BRSK2: variants seen among roughly 807,000 people sequenced by gnomAD.
BRSK2 encodes the protein serine/threonine-protein kinase BRSK2.
Under a neutral mutation model 83.3 loss-of-function variants are expected in BRSK2, and 19 were observed. The observed-to-expected ratio is 0.23, with a 90% CI of 0.16 to 0.33. BRSK2 has a LOEUF of 0.33. BRSK2 is among the 10% of genes least tolerant of loss of function. The probability of loss-of-function intolerance (pLI) is 1.00; values close to 1 mark genes in which losing one functional copy is unlikely to be tolerated. For synonymous variants in BRSK2, 519 were observed against 435.4 expected (o/e 1.19, Z -2.39); for missense variants, 798 against 1,042.3 (o/e 0.77, Z 3.23).
rs113282692 is a variant in BRSK2, at chr11:1,452,975, C to T, written c.1545-1510C>T. On this transcript the variant is annotated intron_variant, in intron 15 of 19. Coordinates refer to ENST00000528841, the MANE Select transcript of BRSK2 (RefSeq NM_001256627.2). ...AGCTGGCTTCAGGAAGGGATGCATG[C>T]GGTTGTCTGGGACACTCAGGGCTGA... is the stretch of plus-strand genomic sequence containing the variant. Among the ~76,000 whole-genome samples, 4 of 152,320 alleles carry T rather than the reference C, an allele frequency of 2.6e-5. No individual in the cohort carries two copies. The South Asian group carries it at 8.3e-4, about 32-fold the overall frequency.
chr11:1,435,713 C>T (rs1407412992), intron 1 of BRSK2, among the ~76,000 whole-genome samples: 2 of 151,420 alleles, frequency 1.3e-5, no homozygotes, highest in Non-Finnish European at 3.0e-5. Flanking sequence ...ACCTCGAGGG[C>T]ACCCTGGCTC....
chr11:1,457,409 CAG>C (rs908071689), intron 18 of BRSK2, among the ~76,000 whole-genome samples: 2 of 151,946 alleles, frequency 1.3e-5, no homozygotes, highest in Non-Finnish European at 2.9e-5. Context: ...TGGGCTCACA[CAG>C]GGGAGGGTTG....
intron 1 of BRSK2, among the ~76,000 whole-genome samples, chr11:1,391,173 G>T (rs1845705950): frequency 6.6e-6 from 1 of 152,236 alleles, no homozygotes; most frequent in South Asian, 2.1e-4. Context: ...TCCCCGGCCC[G>T]CTGGGTTTGG....
intron 2 of BRSK2, 34 bp downstream of exon 2, chr11:1,436,168 G>A (rs1363945426): frequency 3.6e-5 from 29 of 800,418 alleles, no homozygotes; most frequent in Admixed American, 9.6e-5. Flanking sequence ...CGGGGCCGGC[G>A]GTGGGGTGGG....
chr11:1,409,032 G>T (rs913887189), intron 1 of BRSK2, among the ~76,000 whole-genome samples: 3 of 152,090 alleles, frequency 2.0e-5, no homozygotes, highest in Non-Finnish European at 2.9e-5. Context: ...ATGCAGGGAT[G>T]TATGTGTGTC....
intron 1 of BRSK2, among the ~76,000 whole-genome samples, chr11:1,391,451 A>G (rs1226924063): frequency 1.3e-5 from 2 of 152,146 alleles, no homozygotes; most frequent in Non-Finnish European, 2.9e-5. Flanking sequence ...GGGGAAAGAA[A>G]GTGGGCCAGG....
chr11:1,439,272 C>T (rs970554597), intron 3 of BRSK2, among the ~76,000 whole-genome samples: 10 of 152,094 alleles, frequency 6.6e-5, no homozygotes, highest in Admixed American at 2.6e-4. Flanking sequence ...TTGCTCTGGC[C>T]TGGGTTTCTG....
intron 19 of BRSK2, 48 bp downstream of exon 19, chr11:1,459,287 G>A (rs150218323): frequency 0.029 from 46,678 of 1,603,754 alleles, 780 homozygotes; most frequent in Non-Finnish European, 0.034. Flanking sequence ...CCACTTCACC[G>A]CTCACCCTCA....
Position 1,443,514 on chromosome 11 carries a change from A to G in BRSK2, c.659A>G (p.Asn220Ser), listed in dbSNP as rs1851631348. 1 of 1,605,752 alleles carries G rather than the reference A, an allele frequency of 6.2e-7. No individual in the cohort carries two copies. The highest frequency in any genetic ancestry group is 1.1e-5 in the South Asian group (1 of 89,968). The change falls in exon 8 of 20, where the codon AAC becomes AGC. Residue 220 changes from asparagine (N) to serine (S), a missense_variant. Around this residue, in one of 6 missense-constraint regions of BRSK2, gnomAD observed 145 missense variants for 225.4 expected, o/e 0.64. Transcript: ENST00000528841. ...LVGALPFDDD[N>S]LRQLLEKVKR... is the part of the protein sequence containing the mutation. ...GGGGCTCTGCCCTTCGACGATGACA[A>G]CTTGCGACAGCTGCTGGAGAAGGTG...
Position 1,450,742 on chromosome 11 carries a change from C to T in BRSK2, c.1443C>T (p.Ser481=). The T allele has an allele frequency of 6.3e-7, 1 of 1,599,068 alleles. No individual in the cohort carries two copies. Among genetic ancestry groups the T allele is most frequent in the Non-Finnish European group, 8.5e-7 (1 of 1,175,314 alleles). Residue 481 remains serine (S), a synonymous_variant, in exon 14 of 20, where the codon TCC becomes TCT. Coordinates refer to ENST00000528841, the MANE Select transcript of BRSK2 (RefSeq NM_001256627.2). ...GGVPWRARLN[S]IKNSFLGSPR... is the part of the protein sequence containing the mutation. ...TGCCCTGGAGGGCGCGGCTCAACTC[C>T]ATCAAGAACAGCTTTCTGGGCTCAC...
At chr11:1,413,333 C>T (rs1322613830) in intron 1 of BRSK2, among the ~76,000 whole-genome samples, 1 of 152,144 alleles carries the variant, frequency 6.6e-6, no homozygotes, top group Non-Finnish European at 1.5e-5. Flanking sequence ...CCCCTGCAGC[C>T]CCTTGCAGGG....
At chr11:1,437,292 C>A (rs1160212177) in intron 2 of BRSK2, among the ~76,000 whole-genome samples, 2 of 152,116 alleles carry the variant, frequency 1.3e-5, no homozygotes, top group East Asian at 3.9e-4. Context: ...ACAGGCTGGC[C>A]AACTCGCCAG....
Position 1,456,585 on chromosome 11 carries a change from CT to C in BRSK2, c.1850-12del. 5.0e-6 allele frequency: 8 copies of C among 1,609,026 alleles called. No individual in the cohort carries two copies. Among genetic ancestry groups the C allele is most frequent in the Non-Finnish European group, 6.8e-6 (8 of 1,178,436 alleles). ...CCAGGCCCGTCCAGGGCATAACCCCCTGTCTCCCCTAGGCCCCAGCCGTCGC... is the reference window on the plus strand; with the variant it reads ...CCAGGCCCGTCCAGGGCATAACCCCCGTCTCCCCTAGGCCCCAGCCGTCGC... On this transcript the variant is annotated splice_polypyrimidine_tract_variant and intron_variant, in intron 17 of 19. Transcript: ENST00000528841.
intron 1 of BRSK2, chr11:1,410,889 G>T (rs1305130084): frequency 2.0e-6 from 2 of 986,132 alleles, no homozygotes; most frequent in African/African-American, 1.7e-5. Flanking sequence ...GGCCTTCGAC[G>T]GCCCTTTTGT....
intron 1 of BRSK2, among the ~76,000 whole-genome samples, chr11:1,426,104 A>G (rs1490236966): frequency 6.6e-6 from 1 of 152,224 alleles, no homozygotes; most frequent in African/African-American, 2.4e-5. Flanking sequence ...AGCAAACACC[A>G]GCACACACCG....
intron 19 of BRSK2, 86 bp downstream of exon 19, chr11:1,459,325 G>C: frequency 6.7e-7 from 1 of 1,486,974 alleles, no homozygotes; most frequent in Non-Finnish European, 9.4e-7. Flanking sequence ...CCTGCCGCCC[G>C]GGTTGTCCCG....
chr11:1,446,862 C>T (rs916946841), intron 12 of BRSK2, among the ~76,000 whole-genome samples: 2 of 152,180 alleles, frequency 1.3e-5, no homozygotes, highest in African/African-American at 4.8e-5. Flanking sequence ...TGATCTGGGC[C>T]TCAGCACCCC....
rs1292361644 is a variant in BRSK2, at chr11:1,423,152, C to T, written c.92-12888C>T. Reference sequence around the variant, plus strand: ...TGTGCCTCCATGTACCTCAGGGCCTCCCCCAGAGCGGTGCCTCGTGGGGGA... The same window carrying T: ...TGTGCCTCCATGTACCTCAGGGCCTTCCCCAGAGCGGTGCCTCGTGGGGGA... On this transcript the variant is annotated intron_variant, in intron 1 of 19. Coordinates refer to ENST00000528841, the MANE Select transcript of BRSK2 (RefSeq NM_001256627.2). The surrounding 1 kb of genome is among the most constrained non-coding windows in gnomAD (Gnocchi z 6.5). Among the ~76,000 whole-genome samples the T allele has an allele frequency of 6.6e-6, 1 of 152,182 alleles. No homozygotes were observed. Among genetic ancestry groups the T allele is most frequent in the African/African-American group, 2.4e-5 (1 of 41,442 alleles).
chr11:1,449,275 G>A (rs1244444052), intron 12 of BRSK2, among the ~76,000 whole-genome samples: 1 of 152,216 alleles, frequency 6.6e-6, no homozygotes, highest in Non-Finnish European at 1.5e-5. Context: ...AGGCCCTCCT[G>A]GTTGTGGACA....
Sources: gnomAD v4.1 joint callset for allele counts (sites outside exome capture counted in the v4.1 genomes callset) on GRCh38, gnomAD v4.1.1 for gene constraint, gnomAD v4.1.1 regional missense constraint, Gnocchi (gnomAD v3.1) non-coding constraint, MANE v1.5 for transcripts, NCBI Gene and HGNC (gene_info 2026-07-23, HGNC 2026-07-21) for gene names.